Variants in MAP3K9 observed in about 807,000 individuals in gnomAD.
The protein encoded by MAP3K9 is mitogen-activated protein kinase kinase kinase 9.
In MAP3K9, 46 loss-of-function variants were observed where a neutral mutation model predicts 95.8. The ratio of observed to expected loss-of-function variants is 0.48; its 90% CI spans 0.38 to 0.61. MAP3K9 has a LOEUF of 0.61. MAP3K9 is among the 20% of genes least tolerant of loss of function. The pLI, the probability that MAP3K9 is intolerant of heterozygous loss-of-function variation, is 0.00. For missense variants in MAP3K9, 1,296 were observed against 1,474.3 expected, an observed-to-expected ratio of 0.88 and a Z score of 1.98; for synonymous variants, 533 against 593.8, an observed-to-expected ratio of 0.90 and a Z score of 1.49.
At chr14:70,769,970 A>C (rs2054508965) in intron 2 of MAP3K9, among the ~76,000 whole-genome samples, 1 of 152,204 alleles carries the variant, frequency 6.6e-6, no homozygotes. Flanking sequence ...AGGAGTAAAA[A>C]TACTGCCTTT....
chr14:70,752,641 C>T (rs1220752961), intron 3 of MAP3K9, among the ~76,000 whole-genome samples: 2 of 152,186 alleles, frequency 1.3e-5, no homozygotes, highest in African/African-American at 2.4e-5. Flanking sequence ...TAAATGCCCA[C>T]CTCCATCCTG....
chr14:70,798,915 T>C (rs1381042676), intron 2 of MAP3K9, among the ~76,000 whole-genome samples: 5 of 152,188 alleles, frequency 3.3e-5, no homozygotes, highest in African/African-American at 4.8e-5. Context: ...ATACTTCACA[T>C]GCATCATATC....
At chr14:70,768,127 T>C (rs1217915786) in intron 2 of MAP3K9, among the ~76,000 whole-genome samples, 1 of 152,152 alleles carries the variant, frequency 6.6e-6, no homozygotes, top group Admixed American at 6.5e-5. Context: ...AATTTAATTG[T>C]ACATTTAAAA....
intron 2 of MAP3K9, among the ~76,000 whole-genome samples, chr14:70,788,655 A>C (rs2054773609): frequency 6.6e-6 from 1 of 152,182 alleles, no homozygotes. Context: ...TGTTGTTTGG[A>C]GAATGTCTAT....
chr14:70,734,660 C>A (rs745422275), intron 9 of MAP3K9, among the ~76,000 whole-genome samples, 162 bp from the exon 10 acceptor site: 5 of 152,246 alleles, frequency 3.3e-5, no homozygotes, highest in African/African-American at 1.2e-4. Flanking sequence ...ACCTGCTTCA[C>A]AAACAGAAAT....
chr14:70,767,211 C>T (rs900532134), intron 2 of MAP3K9, among the ~76,000 whole-genome samples: 1 of 151,934 alleles, frequency 6.6e-6, no homozygotes, highest in Non-Finnish European at 1.5e-5. Context: ...TAGCAAAACC[C>T]TGTCTCTACT....
intron 1 of MAP3K9, among the ~76,000 whole-genome samples, chr14:70,806,391 T>C (rs1018901267): frequency 6.6e-6 from 1 of 152,242 alleles, no homozygotes; most frequent in Non-Finnish European, 1.5e-5. Flanking sequence ...ACTCAATAAT[T>C]AGTTTTTGAC....
At chr14:70,774,115 T>C (rs1409589807) in intron 2 of MAP3K9, among the ~76,000 whole-genome samples, 2 of 152,222 alleles carry the variant, frequency 1.3e-5, no homozygotes, top group African/African-American at 4.8e-5. Context: ...CTATACTAAG[T>C]ATTGATTTAA....
intron 8 of MAP3K9, among the ~76,000 whole-genome samples, 164 bp downstream of exon 8, chr14:70,738,081 C>G (rs1043091402): frequency 1.3e-5 from 2 of 152,114 alleles, no homozygotes; most frequent in Admixed American, 6.5e-5. Context: ...CTAGGACGTT[C>G]CAGGAACTTG....
chr14:70,778,394 G>A (rs548975052), intron 2 of MAP3K9, among the ~76,000 whole-genome samples: 14 of 151,788 alleles, frequency 9.2e-5, no homozygotes, highest in African/African-American at 3.1e-4. Flanking sequence ...TCATGCCTCA[G>A]CCTCCTGAGT....
intron 2 of MAP3K9, among the ~76,000 whole-genome samples, chr14:70,775,478 T>C (rs757315992): frequency 6.6e-6 from 1 of 152,216 alleles, no homozygotes; most frequent in Non-Finnish European, 1.5e-5. Flanking sequence ...CAGTCTCTCA[T>C]AGGCCACAGT....
rs1290657401 is a variant in MAP3K9 at position 70,730,816 on chromosome 14, C to T, written c.2879G>A (p.Arg960His). The T allele has an allele frequency of 1.2e-5, 19 of 1,610,506 alleles. No individual in the cohort carries two copies. Among genetic ancestry groups the T allele is most frequent in the East Asian group, 2.2e-5 (1 of 44,814 alleles). Reference protein sequence around the residue: ...SPSRDPGEFPRLPDPNVVFPP... With the variant: ...SPSRDPGEFPHLPDPNVVFPP... ...GAAGACCACATTGGGGTCAGGGAGA[C>T]GGGGGAATTCACCTGGGTCTCGGCT... The change falls in exon 12 of 12, where the codon CGT becomes CAT. Residue 960 changes from arginine (R) to histidine (H), a missense_variant. Around this residue, in one of 5 missense-constraint regions of MAP3K9, gnomAD observed 433 missense variants for 441.4 expected, o/e 0.98. Transcript: ENST00000554752.
intron 8 of MAP3K9, 25 bp from the exon 9 acceptor site, chr14:70,736,054 A>G: frequency 1.3e-6 from 2 of 1,536,792 alleles, no homozygotes; most frequent in Non-Finnish European, 1.8e-6. Flanking sequence ...GAGAATCAGT[A>G]GCAGGCAATG....
chr14:70,803,500 C>T (rs2054956799), intron 1 of MAP3K9, among the ~76,000 whole-genome samples: 1 of 151,820 alleles, frequency 6.6e-6, no homozygotes. Flanking sequence ...CTGACTATTC[C>T]CTTCCTTACT....
At chr14:70,761,656 CAT>C (rs2054377046) in intron 2 of MAP3K9, among the ~76,000 whole-genome samples, 1 of 152,156 alleles carries the variant, frequency 6.6e-6, no homozygotes, top group Admixed American at 6.5e-5. Flanking sequence ...TCTCAATAAT[CAT>C]GTCCTCAAAT....
intron 5 of MAP3K9, among the ~76,000 whole-genome samples, chr14:70,745,131 C>A (rs2054128167): frequency 1.3e-5 from 2 of 152,104 alleles, no homozygotes; most frequent in South Asian, 4.1e-4. Context: ...TGGGGTGGAA[C>A]CTGGAGAGAG....
intron 2 of MAP3K9, among the ~76,000 whole-genome samples, chr14:70,781,277 C>T (rs2054672520): frequency 6.6e-6 from 1 of 152,258 alleles, no homozygotes; most frequent in African/African-American, 2.4e-5. Context: ...GAGCCATGCT[C>T]ATGGACAGAC....
intron 2 of MAP3K9, among the ~76,000 whole-genome samples, chr14:70,766,414 A>C (rs960949629): frequency 2.0e-5 from 3 of 152,206 alleles, no homozygotes; most frequent in Non-Finnish European, 4.4e-5. Context: ...TATCCTGTAC[A>C]TAAATGGAAA....
intron 5 of MAP3K9, 56 bp downstream of exon 5, chr14:70,748,773 A>C: frequency 2.8e-6 from 4 of 1,426,174 alleles, no homozygotes; most frequent in South Asian, 1.3e-5. Flanking sequence ...TACCAATTCA[A>C]TGCATGCCTT....
Sources: allele counts gnomAD v4.1 joint callset (sites outside exome capture counted in the v4.1 genomes callset), GRCh38; gene constraint gnomAD v4.1.1; regional missense constraint gnomAD v4.1.1; transcripts MANE v1.5; gene names NCBI Gene and HGNC (gene_info 2026-07-23, HGNC 2026-07-21).